COPS4: variants seen among roughly 807,000 people sequenced by gnomAD.
The protein encoded by COPS4 is COP9 signalosome subunit 4, also known as COP9 signalosome complex subunit 4.
COPS4 carries 8 observed loss-of-function variants against 55.1 expected under a neutral mutation model. The ratio of observed to expected loss-of-function variants is 0.15; its 90% CI spans 0.09 to 0.26. The LOEUF is 0.26. COPS4 is among the 10% of genes least tolerant of loss of function. The pLI is 1.00. For synonymous variants in COPS4, 185 were observed against 165.7 expected (o/e 1.12, Z -0.90); for missense variants, 248 against 484.0 (o/e 0.51, Z 4.58).
chr4:83,036,805 TC>T (rs1342133370), intron 1 of COPS4, among the ~76,000 whole-genome samples: 1 of 152,190 alleles, frequency 6.6e-6, no homozygotes, highest in Non-Finnish European at 1.5e-5. Flanking sequence ...CTTATATTTT[TC>T]CCCATGCTTC....
intron 6 of COPS4, among the ~76,000 whole-genome samples, chr4:83,061,642 G>A (rs1731166381): frequency 6.6e-6 from 1 of 151,700 alleles, no homozygotes; most frequent in African/African-American, 2.4e-5. Flanking sequence ...TTTATTCAGG[G>A]TATGACAATC....
chr4:83,051,538 G>C (rs1172779225), intron 4 of COPS4, among the ~76,000 whole-genome samples: 1 of 152,156 alleles, frequency 6.6e-6, no homozygotes, highest in African/African-American at 2.4e-5. Context: ...TGTATGTAGA[G>C]TGTGCAAAAA....
intron 8 of COPS4, among the ~76,000 whole-genome samples, chr4:83,067,020 G>A (rs960788218): frequency 2.6e-5 from 4 of 151,944 alleles, no homozygotes; most frequent in African/African-American, 2.4e-5. Flanking sequence ...GTTATGGGTC[G>A]CATCCCTTTT....
intron 4 of COPS4, among the ~76,000 whole-genome samples, chr4:83,055,781 A>G (rs967471703): frequency 6.6e-5 from 10 of 152,100 alleles, no homozygotes; most frequent in African/African-American, 1.7e-4. Context: ...TTGATCACCA[A>G]TAATATCATA....
At chr4:83,059,563 C>T (rs1445530613) in intron 6 of COPS4, among the ~76,000 whole-genome samples, 1 of 151,922 alleles carries the variant, frequency 6.6e-6, no homozygotes, top group African/African-American at 2.4e-5. Flanking sequence ...ACATAAATGA[C>T]ATACTTTTAT....
chr4:83,068,635 C>A, intron 9 of COPS4, 113 bp downstream of exon 9: 1 of 670,062 alleles, frequency 1.5e-6, no homozygotes, highest in South Asian at 1.9e-5. Context: ...CTGGAATGAG[C>A]TTATTTCCCA....
Position 83,038,310 on chromosome 4 carries a change from T to G in COPS4, c.74+3012T>G, listed in dbSNP as rs149362246. Among the ~76,000 whole-genome samples the G allele has an allele frequency of 1.1e-3, 171 of 152,368 alleles. 1 individual carries two copies. Among genetic ancestry groups the G allele is most frequent in the African/African-American group, 4.0e-3 (166 of 41,588 alleles). ...AACAAGTAGGAGTAGGTGATAGTAG[T>G]GATATTATTTACATTATAATAAGAG... is the stretch of plus-strand genomic sequence containing the variant. On this transcript the variant is annotated intron_variant, in intron 1 of 9. Transcript: ENST00000264389.
intron 9 of COPS4, among the ~76,000 whole-genome samples, chr4:83,068,847 G>A (rs1340703169): frequency 6.6e-6 from 1 of 151,956 alleles, no homozygotes; most frequent in Non-Finnish European, 1.5e-5. Context: ...ACAGGCACCT[G>A]TAGTCCCAGC....
At chr4:83,075,220 A>G (rs1304752383) in intron 9 of COPS4, 77 bp from the exon 10 acceptor site, 8 of 1,349,624 alleles carry the variant, frequency 5.9e-6, no homozygotes, top group Non-Finnish European at 8.2e-6. Context: ...GCATGTAAAA[A>G]GTATATATCT....
chr4:83,056,197 G>A (rs142637006), intron 4 of COPS4, among the ~76,000 whole-genome samples: 54 of 152,140 alleles, frequency 3.5e-4, no homozygotes, highest in Non-Finnish European at 4.4e-4. Context: ...ATCCCAAATT[G>A]CTGGAAATAC....
intron 1 of COPS4, among the ~76,000 whole-genome samples, chr4:83,042,555 A>G (rs1355809969): frequency 6.7e-6 from 1 of 149,378 alleles, no homozygotes; most frequent in African/African-American, 2.5e-5. Context: ...TGCTCTGTCC[A>G]GGCACACGCC....
chr4:83,062,289 T>C (rs1195294369), intron 6 of COPS4, among the ~76,000 whole-genome samples: 1 of 152,236 alleles, frequency 6.6e-6, no homozygotes, highest in African/African-American at 2.4e-5. Flanking sequence ...AGAAATCACC[T>C]GTTCTTCCAA....
At position 83,035,317 on chromosome 4, in the gene COPS4, C is replaced by T; in HGVS notation, c.74+19C>T. ...CTGGCAAGTGAGTATTTCCCAGGAA[C>T]GCGGGAGTACAGAGGTGGGGAAAGA... On this transcript the variant is annotated intron_variant, in intron 1 of 9. Transcript: ENST00000264389. 1 of 1,526,198 alleles carries T rather than the reference C, an allele frequency of 6.6e-7. No homozygotes were observed. The allele number at this position is 1,526,198 out of a possible 1,614,324, so 94.5% of individuals were successfully genotyped here. A position where few individuals can be genotyped will look rare whatever the true frequency, so the allele number is the denominator to read the frequency against.
chr4:83,053,839 C>CAAAAACAAA (rs1730950247), intron 4 of COPS4, among the ~76,000 whole-genome samples: 1 of 86,562 alleles, frequency 1.2e-5, no homozygotes, highest in African/African-American at 4.9e-5. Context: ...GACTCTGTCT[C>CAAAAACAAA]AAAAAAAAAA....
At chr4:83,069,815 C>T (rs530787066) in intron 9 of COPS4, among the ~76,000 whole-genome samples, 26 of 152,130 alleles carry the variant, frequency 1.7e-4, no homozygotes, top group African/African-American at 5.5e-4. Flanking sequence ...AGATGGTTTT[C>T]GTCACCCTGT....
chr4:83,048,317 A>G (rs1730772316), intron 2 of COPS4, among the ~76,000 whole-genome samples: 2 of 152,188 alleles, frequency 1.3e-5, no homozygotes, highest in South Asian at 2.1e-4. Flanking sequence ...TACCTCGTAA[A>G]TGTTTATAAA....
chr4:83,048,315 A>G (rs1256450098), intron 2 of COPS4, among the ~76,000 whole-genome samples: 2 of 152,224 alleles, frequency 1.3e-5, no homozygotes, highest in Admixed American at 1.3e-4. Context: ...AATACCTCGT[A>G]AATGTTTATA....
At chr4:83,047,340 G>A (rs906149187) in intron 2 of COPS4, among the ~76,000 whole-genome samples, 2 of 152,130 alleles carry the variant, frequency 1.3e-5, no homozygotes, top group Admixed American at 1.3e-4. Context: ...GATCACTTGA[G>A]CTCAGGAGTT....
At chr4:83,047,775 C>T (rs1221314294) in intron 2 of COPS4, among the ~76,000 whole-genome samples, 1 of 152,052 alleles carries the variant, frequency 6.6e-6, no homozygotes, top group African/African-American at 2.4e-5. Flanking sequence ...CCGAGATGGG[C>T]GGATCACGAG....
Sources: gnomAD v4.1 joint callset for allele counts (sites outside exome capture counted in the v4.1 genomes callset) on GRCh38, gnomAD v4.1.1 for gene constraint, MANE v1.5 for transcripts, NCBI Gene and HGNC (gene_info 2026-07-23, HGNC 2026-07-21) for gene names.